The following CCDC7 variants were observed in gnomAD, a reference collection of about 807,000 sequenced individuals.
CCDC7 encodes coiled-coil domain containing 7.
Under a neutral mutation model 196.9 loss-of-function variants are expected in CCDC7, and 183 were observed. That is an observed-to-expected ratio of 0.93 (90% CI 0.82 to 1.05). The LOEUF (loss-of-function observed/expected upper bound fraction) is 1.05, where lower values mean the gene tolerates loss of function less well. Among genes scored for constraint, CCDC7 ranks in the 50% least tolerant of loss-of-function variants. The pLI, the probability that CCDC7 is intolerant of heterozygous loss-of-function variation, is 0.00. For synonymous variants in CCDC7, 525 were observed against 484.6 expected (o/e 1.08, Z -1.10); for missense variants, 1,540 against 1,482.2 (o/e 1.04, Z -0.64).
chr10:32,662,168 A>C (rs947196252), intron 20 of CCDC7, among the ~76,000 whole-genome samples: 1 of 152,136 alleles, frequency 6.6e-6, no homozygotes, highest in Non-Finnish European at 1.5e-5. Context: ...CAATCACTGC[A>C]CTGTTTCTCT....
At chr10:32,733,090 T>C (rs2084263799) in intron 28 of CCDC7, among the ~76,000 whole-genome samples, 2 of 152,098 alleles carry the variant, frequency 1.3e-5, no homozygotes, top group South Asian at 4.1e-4. Flanking sequence ...TGAATCTCCT[T>C]TTAAAGTTTA....
chr10:32,444,240 T>G (rs2997516), upstream of CCDC7, among the ~76,000 whole-genome samples: 3 of 152,144 alleles, frequency 2.0e-5, no homozygotes, highest in Non-Finnish European at 2.9e-5. Flanking sequence ...ATGTCCTTCA[T>G]CAGATGAAAA....
intron 13 of CCDC7, among the ~76,000 whole-genome samples, chr10:32,557,461 C>T (rs1391126684): frequency 2.6e-5 from 4 of 151,712 alleles, no homozygotes; most frequent in Non-Finnish European, 5.9e-5. Flanking sequence ...CTCTCTTTTC[C>T]TTATGGGATA....
intron 9 of CCDC7, among the ~76,000 whole-genome samples, chr10:32,501,538 A>G (rs1234039974): frequency 6.6e-6 from 1 of 151,828 alleles, no homozygotes; most frequent in Non-Finnish European, 1.5e-5. Context: ...TTGGTCTGTG[A>G]GGTTGGTGAT....
rs1286813179 is a variant in CCDC7, at chr10:32,808,624, G to C, written c.3097+3526G>C. Among the ~76,000 whole-genome samples, 10 of 114,726 alleles carry C rather than the reference G, an allele frequency of 8.7e-5. No homozygotes were observed. In the Admixed American group the frequency reaches 9.5e-4, roughly 11 times the overall value. 75.3% of individuals were successfully genotyped at this position (114,726 alleles called of 152,430 possible). A position where few individuals can be genotyped will look rare whatever the true frequency, so the allele number is the denominator to read the frequency against. On this transcript the variant is annotated intron_variant, in intron 30 of 41. Coordinates refer to ENST00000639629, the Ensembl canonical transcript of CCDC7. ...TAGAGGCCCAAGGATTAGCCTGCCTGGACTCACTAATCCTGATGCTCACAT... is the reference window on the plus strand; with the variant it reads ...TAGAGGCCCAAGGATTAGCCTGCCTCGACTCACTAATCCTGATGCTCACAT...
intron 18 of CCDC7, among the ~76,000 whole-genome samples, chr10:32,609,935 A>G (rs2138691474): frequency 6.6e-6 from 1 of 152,244 alleles, no homozygotes; most frequent in Non-Finnish European, 1.5e-5. Context: ...TGAGTAGTGT[A>G]TATAGTGCAG....
chr10:32,511,767 C>T (rs1185956632), intron 9 of CCDC7: 7 of 1,489,602 alleles, frequency 4.7e-6, no homozygotes, highest in South Asian at 2.3e-5. Flanking sequence ...CCTTCGACTC[C>T]AGCCTCCCGG....
chr10:32,586,520 A>C (rs1021247895), intron 18 of CCDC7, among the ~76,000 whole-genome samples: 2 of 152,148 alleles, frequency 1.3e-5, no homozygotes, highest in African/African-American at 4.8e-5. Context: ...CCTATGTTTA[A>C]GTCTTTAATC....
intron 8 of CCDC7, among the ~76,000 whole-genome samples, chr10:32,475,980 G>A (rs556798266): frequency 2.0e-5 from 3 of 152,136 alleles, no homozygotes; most frequent in South Asian, 2.1e-4. Flanking sequence ...CCCCATTCCC[G>A]CATAAAGCTT....
chr10:32,610,424 T>C (rs1456381809), intron 18 of CCDC7, among the ~76,000 whole-genome samples: 2 of 152,096 alleles, frequency 1.3e-5, no homozygotes, highest in African/African-American at 4.8e-5. Context: ...TTATTATTAT[T>C]ATTATTTTTT....
chr10:32,707,282 A>T, intron 24 of CCDC7, among the ~76,000 whole-genome samples: 1 of 152,228 alleles, frequency 6.6e-6, no homozygotes. Context: ...TGTTCATGCT[A>T]AAGACTCTCA....
intron 41 of CCDC7, among the ~76,000 whole-genome samples, chr10:32,855,896 A>T (rs2093733914): frequency 6.6e-6 from 1 of 152,222 alleles, no homozygotes; most frequent in Non-Finnish European, 1.5e-5. Flanking sequence ...GTCTGATGGA[A>T]TAGGATAGAG....
chr10:32,849,788 CTG>C (rs1340280497), intron 39 of CCDC7, among the ~76,000 whole-genome samples: 1 of 150,116 alleles, frequency 6.7e-6, no homozygotes, highest in Non-Finnish European at 1.5e-5. Context: ...AACTTGGTAA[CTG>C]AAAGTATTAA....
intron 18 of CCDC7, among the ~76,000 whole-genome samples, chr10:32,593,177 C>T (rs1471359762): frequency 1.3e-5 from 2 of 152,148 alleles, no homozygotes; most frequent in Non-Finnish European, 2.9e-5. Flanking sequence ...AGTGTAAAAG[C>T]ATTCCTATTT....
At chr10:32,776,301 C>T (rs1278643193) in intron 28 of CCDC7, among the ~76,000 whole-genome samples, 1 of 151,450 alleles carries the variant, frequency 6.6e-6, no homozygotes, top group Non-Finnish European at 1.5e-5. Context: ...ATCTAGATTT[C>T]TAGCTTCTTT....
chr10:32,777,575 G>A (rs537178681), intron 28 of CCDC7, among the ~76,000 whole-genome samples: 57 of 151,968 alleles, frequency 3.8e-4, no homozygotes, highest in African/African-American at 1.4e-3. Flanking sequence ...AGCTATTCTG[G>A]GCCGGGTGTG....
At chr10:32,850,639 A>T (rs989955942) in intron 39 of CCDC7, among the ~76,000 whole-genome samples, 5 of 152,178 alleles carry the variant, frequency 3.3e-5, no homozygotes, top group African/African-American at 1.2e-4. Flanking sequence ...CCAGGACCCC[A>T]CAAATTCTTA....
chr10:32,517,382 A>G (rs541955056), intron 9 of CCDC7, among the ~76,000 whole-genome samples: 1 of 152,228 alleles, frequency 6.6e-6, no homozygotes, highest in East Asian at 1.9e-4. Context: ...AATAAAAATT[A>G]CAGAATGGAA....
At chr10:32,631,943 A>G (rs1201296049) in intron 18 of CCDC7, among the ~76,000 whole-genome samples, 1 of 152,064 alleles carries the variant, frequency 6.6e-6, no homozygotes, top group Non-Finnish European at 1.5e-5. Context: ...GTATATAGAA[A>G]TACAATTGAG....
Sources: gnomAD v4.1 joint callset for allele counts (sites outside exome capture counted in the v4.1 genomes callset) on GRCh38, gnomAD v4.1.1 for gene constraint, MANE v1.5 for transcripts, NCBI Gene and HGNC (gene_info 2026-07-23, HGNC 2026-07-21) for gene names.